The following ELOVL1 variants were observed in gnomAD, a reference collection of about 807,000 sequenced individuals.
The protein encoded by ELOVL1 is very long chain fatty acid elongase 1.
In ELOVL1, 10 loss-of-function variants were observed where a neutral mutation model predicts 37.8. The ratio of observed to expected loss-of-function variants is 0.26; its 90% CI spans 0.16 to 0.45. ELOVL1 has a LOEUF of 0.45. Among genes scored for constraint, ELOVL1 ranks in the 20% least tolerant of loss-of-function variants. ELOVL1 has a pLI of 1.00. For synonymous variants in ELOVL1, 133 were observed against 123.8 expected (o/e 1.07, Z -0.49); for missense variants, 256 against 352.7 (o/e 0.73, Z 2.20).
At position 43,363,878 on chromosome 1, in the gene ELOVL1, T is replaced by G. The variant is rs759408514; in HGVS notation, c.*38A>C. Reference sequence around the variant, plus strand: ...CGGACACTGCCCTAAGGTGCAGTCCTGAGGCACTTAGGTGGGCGCCTATCT... The same window carrying G: ...CGGACACTGCCCTAAGGTGCAGTCCGGAGGCACTTAGGTGGGCGCCTATCT... On this transcript the variant is annotated 3_prime_UTR_variant, in exon 8 of 8. Coordinates refer to ENST00000372458, the MANE Select transcript of ELOVL1 (RefSeq NM_022821.4). The G allele has an allele frequency of 7.5e-6, 12 of 1,590,740 alleles. No individual in the cohort carries two copies. Among genetic ancestry groups the G allele is most frequent in the Admixed American group, 1.7e-5 (1 of 59,950 alleles).
At position 43,363,990 on chromosome 1, in the gene ELOVL1, T is replaced by C; in HGVS notation, c.766A>G (p.Thr256Ala). ...LFSNFWYHSY[T>A]KGKRLPRALQ... is the part of the protein sequence containing the mutation. ...GCACGGGGCAGCCGCTTGCCCTTGGTATAAGAGTGATACCAGAAGTTGGAG... is the reference window on the plus strand; with the variant it reads ...GCACGGGGCAGCCGCTTGCCCTTGGCATAAGAGTGATACCAGAAGTTGGAG... The change falls in exon 8 of 8, where the codon ACC (threonine) becomes GCC (alanine). Residue 256 changes from threonine to alanine, a missense_variant. Transcript: ENST00000372458. 6.2e-7 allele frequency: 1 copy of C among 1,614,144 alleles called. No individual in the cohort carries two copies. The highest frequency in any genetic ancestry group is 8.5e-7 in the Non-Finnish European group (1 of 1,180,032).
At position 43,364,913 on chromosome 1, in the gene ELOVL1, C is replaced by G. The variant is rs1381810531; in HGVS notation, c.318+15G>C. ...CTACCAGGTTGCTTATGACCTAGCC[C>G]CAGCCCCTACTTACCCTAAGTGCCT... On this transcript the variant is annotated intron_variant, in intron 4 of 7. Coordinates refer to ENST00000372458, the MANE Select transcript of ELOVL1 (RefSeq NM_022821.4). This position sits in a 1 kb window ranked among gnomAD's most constrained non-coding sequence, Gnocchi z 5.2. 9 of 1,613,926 alleles carry G rather than the reference C, an allele frequency of 5.6e-6. No individual in the cohort carries two copies. Among genetic ancestry groups the G allele is most frequent in the Non-Finnish European group, 7.6e-6 (9 of 1,179,918 alleles).
Position 43,363,583 on chromosome 1 carries a change from GGCCACGAGACCCTTTGT to G in ELOVL1, c.*316_*332del. The G allele has an allele frequency of 2.5e-6, 1 of 396,808 alleles. No individual in the cohort carries two copies. Among genetic ancestry groups the G allele is most frequent in the Non-Finnish European group, 4.6e-6 (1 of 215,514 alleles). 24.6% of individuals were successfully genotyped at this position (396,808 alleles called of 1,614,324 possible). ...CTGACCTCTTCTGTGTGAGGAAAAAGGCCACGAGACCCTTTGTGGGGCCAGCCCTGAGTGCTCCTCTC... is the reference window on the plus strand; with the variant it reads ...CTGACCTCTTCTGTGTGAGGAAAAAGGGGGCCAGCCCTGAGTGCTCCTCTC... On this transcript the variant is annotated 3_prime_UTR_variant, in exon 8 of 8. Coordinates refer to ENST00000372458, the MANE Select transcript of ELOVL1 (RefSeq NM_022821.4).
In ELOVL1 at chr1:43,364,516, T is replaced by C. The variant is rs774121193; in HGVS notation, c.481+26A>G. On this transcript the variant is annotated intron_variant, in intron 6 of 7. Transcript: ENST00000372458. This position sits in a 1 kb window ranked among gnomAD's most constrained non-coding sequence, Gnocchi z 5.2. Reference sequence around the variant, plus strand: ...GAGTCCAGCCTCTGGTGCCCACCCTTTCCCATAGTGGCCTTCACCACTCAC... The same window carrying C: ...GAGTCCAGCCTCTGGTGCCCACCCTCTCCCATAGTGGCCTTCACCACTCAC... The C allele has an allele frequency of 3.7e-6, 6 of 1,613,914 alleles. No individual in the cohort carries two copies. The South Asian group carries it at 6.6e-5, about 18-fold the overall frequency.
chr1:43,365,020 T>A lies in ELOVL1; in HGVS notation c.238-12A>T, dbSNP rs1468642159. 6.2e-7 allele frequency: 1 copy of A among 1,611,714 alleles called. No individual in the cohort carries two copies. The highest frequency in any genetic ancestry group is 1.7e-5 in the Admixed American group (1 of 59,768). On this transcript the variant is annotated splice_polypyrimidine_tract_variant and intron_variant, in intron 3 of 7. Transcript: ENST00000372458. ...CCCGACATCAGGAACTGGGAAGGGA[T>A]GTGGATTAGACCACCAGAGTTCTCC...
In ELOVL1 at chr1:43,364,619, C is replaced by A; in HGVS notation, c.404G>T (p.Gly135Val). Residue 135 changes from glycine (G) to valine (V), a missense_variant, in exon 6 of 8, where the codon GGG (glycine) becomes GTG (valine). Gly to Val is a moderately radical substitution (Grantham distance 109). Coordinates refer to ENST00000372458, the MANE Select transcript of ELOVL1 (RefSeq NM_022821.4). This position sits in a 1 kb window ranked among gnomAD's most constrained non-coding sequence, Gnocchi z 5.2. ...TVIFILRKKD[G>V]QVTFLHVFHH... is the part of the protein sequence containing the mutation. Reference sequence around the variant, plus strand: ...GAAGACATGTAGGAAGGTCACCTGCCCGTCTTTCTTTCGGAGAATAAAGAT... The same window carrying A: ...GAAGACATGTAGGAAGGTCACCTGCACGTCTTTCTTTCGGAGAATAAAGAT... 6.2e-7 allele frequency: 1 copy of A among 1,614,120 alleles called. No homozygotes were observed. The highest frequency in any genetic ancestry group is 1.1e-5 in the South Asian group (1 of 91,074).
At position 43,365,244 on chromosome 1, in the gene ELOVL1, C is replaced by G. The variant is rs143854596; in HGVS notation, c.179G>C (p.Gly60Ala). The change falls in exon 3 of 8, where the codon GGC becomes GCC. Residue 60 changes from glycine (G) to alanine (A), a missense_variant. By Grantham distance (60) the Gly-to-Ala change is moderately conservative (BLOSUM62 0). Transcript: ENST00000372458. Reference protein sequence around the residue: ...MANRKPFQLRGFMIVYNFSLV... With the variant: ...MANRKPFQLRAFMIVYNFSLV... The stretch of plus-strand genomic sequence containing the variant: ...TGAGAAGTTGTAGACAATCATGAAG[C>G]CACGGAGCTGGAAGGGCTTCCGATT... 6.2e-7 allele frequency: 1 copy of G among 1,614,126 alleles called. No individual in the cohort carries two copies. Among genetic ancestry groups the G allele is most frequent in the African/African-American group, 1.3e-5 (1 of 75,024 alleles).
intron 1 of ELOVL1, chr1:43,367,455 A>C (rs1462652356): frequency 6.6e-6 from 1 of 152,508 alleles, no homozygotes; most frequent in African/African-American, 2.4e-5. Context: ...GTTATCTCTC[A>C]ACCACCAGCC....
chr1:43,365,685 A>G (rs1259243162), intron 1 of ELOVL1, 62 bp from the exon 2 acceptor site: 1 of 1,535,124 alleles, frequency 6.5e-7, no homozygotes, highest in African/African-American at 1.4e-5. Context: ...TCCCACAGAG[A>G]TAAGACACAG....
In ELOVL1 at chr1:43,364,078, G is replaced by A. The variant is rs1647192665; in HGVS notation, c.678C>T (p.Asn226=). 2 of 1,614,118 alleles carry A rather than the reference G, an allele frequency of 1.2e-6. No individual in the cohort carries two copies. Among genetic ancestry groups the A allele is most frequent in the African/African-American group, 1.3e-5 (1 of 74,930 alleles). Reference sequence around the variant, plus strand: ...GGTGAATAATGACTGGGTACTGGTAGTTACAGCTGGACATAAAGTAGTACT... The same window carrying A: ...GGTGAATAATGACTGGGTACTGGTAATTACAGCTGGACATAAAGTAGTACT... ...ISQYYFMSSC[N]YQYPVIIHLI... The change falls in exon 8 of 8, where the codon AAC becomes AAT. Residue 226 remains asparagine, a synonymous_variant. Transcript: ENST00000372458. The surrounding 1 kb of genome is among the most constrained non-coding windows in gnomAD (Gnocchi z 5.2).
rs147218962 is a variant in ELOVL1, at chr1:43,363,725, C to T, written c.*191G>A. 1.8e-5 allele frequency: 11 copies of T among 601,444 alleles called. No homozygotes were observed. The highest frequency in any genetic ancestry group is 3.0e-5 in the Admixed American group (1 of 33,816). The allele number at this position is 601,444 out of a possible 1,614,324, so 37.3% of individuals were successfully genotyped here. A position where few individuals can be genotyped will look rare whatever the true frequency, so the allele number is the denominator to read the frequency against. On this transcript the variant is annotated 3_prime_UTR_variant, in exon 8 of 8. Transcript: ENST00000372458. ...ATGAGGCCACATCCCTGGAGCTGCCCGGGGGAAGTGGGTGAGGAACCAAAG... is the reference window on the plus strand; with the variant it reads ...ATGAGGCCACATCCCTGGAGCTGCCTGGGGGAAGTGGGTGAGGAACCAAAG...
In ELOVL1 at chr1:43,365,278, T is replaced by A. The variant is rs751073844; in HGVS notation, c.145A>T (p.Ile49Phe). 3 of 1,614,128 alleles carry A rather than the reference T, an allele frequency of 1.9e-6. No individual in the cohort carries two copies. Among genetic ancestry groups the A allele is most frequent in the South Asian group, 2.2e-5 (2 of 91,072 alleles). Residue 49 changes from isoleucine (I) to phenylalanine (F), a missense_variant, in exon 3 of 8, where the codon ATC becomes TTC. By Grantham distance (21) the Ile-to-Phe change is conservative. Transcript: ENST00000372458. ...TGGAAGGGCTTCCGATTAGCCATGA[T>A]GCGAGGCCCAAGTGAGAGAACGAAG... The part of the protein sequence containing the change: ...VYFVLSLGPR[I>F]MANRKPFQLR...
Position 43,364,721 on chromosome 1 carries a change from CTCATA to C in ELOVL1, c.375+12_375+16del. On this transcript the variant is annotated intron_variant, in intron 5 of 7. Coordinates refer to ENST00000372458, the MANE Select transcript of ELOVL1 (RefSeq NM_022821.4). The surrounding 1 kb of genome is among the most constrained non-coding windows in gnomAD (Gnocchi z 5.2). ...TCATTCTCCCCTCAAGTTCTCACATCTCATATAACTACTCACTGTGTCCATCAGCT... is the reference window on the plus strand; with the variant it reads ...TCATTCTCCCCTCAAGTTCTCACATCTAACTACTCACTGTGTCCATCAGCT... 2 of 1,614,180 alleles carry C rather than the reference CTCATA, an allele frequency of 1.2e-6. No homozygotes were observed. The highest frequency in any genetic ancestry group is 8.5e-7 in the Non-Finnish European group (1 of 1,180,020).
chr1:43,365,612 T>C lies in ELOVL1; in HGVS notation c.-3A>G, dbSNP rs371879694. The C allele has an allele frequency of 6.5e-5, 105 of 1,614,024 alleles. No homozygotes were observed. Among genetic ancestry groups the C allele is most frequent in the Admixed American group, 6.7e-5 (4 of 60,000 alleles). On this transcript the variant is annotated 5_prime_UTR_variant, in exon 2 of 8. Coordinates refer to ENST00000372458, the MANE Select transcript of ELOVL1 (RefSeq NM_022821.4). Reference sequence around the variant, plus strand: ...TACAAGTTCACAACAGCCTCCATCCTGGCTAAGGACTCTGGGGAGGTACAG... The same window carrying C: ...TACAAGTTCACAACAGCCTCCATCCCGGCTAAGGACTCTGGGGAGGTACAG...
chr1:43,365,537 G>A, intron 2 of ELOVL1, 27 bp downstream of exon 2: 1 of 1,614,106 alleles, frequency 6.2e-7, no homozygotes, highest in Non-Finnish European at 8.5e-7. Context: ...AAAGAAGGAA[G>A]GAAAGGGCTG....
At chr1:43,365,117 T>C (rs1243194811) in intron 3 of ELOVL1, 69 bp downstream of exon 3, 4 of 1,604,216 alleles carry the variant, frequency 2.5e-6, no homozygotes, top group East Asian at 4.5e-5. Context: ...AGAAATGCCA[T>C]GCTCTGGCTC....
At position 43,365,177 on chromosome 1, in the gene ELOVL1, G is replaced by A. The variant is rs749705864; in HGVS notation, c.237+9C>T. ...ACAGAAATTAAAGCCCGGCATCCCAGGGGCCCACCTCATAGACAATGTAGA... is the reference window on the plus strand; with the variant it reads ...ACAGAAATTAAAGCCCGGCATCCCAAGGGCCCACCTCATAGACAATGTAGA... On this transcript the variant is annotated intron_variant, in intron 3 of 7. Transcript: ENST00000372458. 1.2e-6 allele frequency: 2 copies of A among 1,612,666 alleles called. No homozygotes were observed. The highest frequency in any genetic ancestry group is 2.2e-5 in the South Asian group (2 of 91,042).
At position 43,364,144 on chromosome 1, in the gene ELOVL1, T is replaced by C. The variant is rs1557476274; in HGVS notation, c.619-7A>G. 1.2e-6 allele frequency: 2 copies of C among 1,613,468 alleles called. No individual in the cohort carries two copies. The highest frequency in any genetic ancestry group is 1.1e-5 in the South Asian group (1 of 91,036). ...AGACCAGGACAAACTGGATCTAGGA[T>C]AGAGAAAGACCAGGGTCAGAGGGAA... On this transcript the variant is annotated splice_polypyrimidine_tract_variant and splice_region_variant and intron_variant, in intron 7 of 7. Coordinates refer to ENST00000372458, the MANE Select transcript of ELOVL1 (RefSeq NM_022821.4). This position sits in a 1 kb window ranked among gnomAD's most constrained non-coding sequence, Gnocchi z 5.2.
At chr1:43,365,874 C>T (rs3768048) in intron 1 of ELOVL1, among the ~76,000 whole-genome samples, 12,038 of 152,014 alleles carry the variant, frequency 0.079, 624 homozygotes, top group East Asian at 0.15. Flanking sequence ...CCTCTCCTCT[C>T]CACAGTTTTA....
Sources: allele counts gnomAD v4.1 joint callset (sites outside exome capture counted in the v4.1 genomes callset), GRCh38; gene constraint gnomAD v4.1.1; non-coding constraint Gnocchi (gnomAD v3.1); transcripts MANE v1.5; gene names NCBI Gene and HGNC (gene_info 2026-07-23, HGNC 2026-07-21).